SGIP1: variants seen among roughly 807,000 people sequenced by gnomAD.
SGIP1 encodes the protein SH3GL interacting endocytic adaptor 1, also known as SH3-containing GRB2-like protein 3-interacting protein 1.
A neutral mutation model predicts 107.5 loss-of-function variants in SGIP1; 38 were observed. The observed-to-expected ratio is 0.35, with a 90% confidence interval of 0.27 to 0.46. The LOEUF (loss-of-function observed/expected upper bound fraction) is 0.46. SGIP1 is among the 20% of genes least tolerant of loss of function. SGIP1 has a pLI of 1.00. For missense variants in SGIP1, 929 were observed against 1,019.5 expected, an observed-to-expected ratio of 0.91 and a Z score of 1.21; for synonymous variants, 365 against 366.1, an observed-to-expected ratio of 1.00 and a Z score of 0.03.
intron 18 of SGIP1, among the ~76,000 whole-genome samples, chr1:66,716,964 C>T (rs76149537): frequency 0.022 from 3,342 of 152,146 alleles, 45 homozygotes; most frequent in Non-Finnish European, 0.036. Flanking sequence ...CTGCTCAGTT[C>T]CACACGTACA....
chr1:66,655,290 C>T (rs940904989), intron 7 of SGIP1, among the ~76,000 whole-genome samples: 2 of 152,002 alleles, frequency 1.3e-5, no homozygotes, highest in African/African-American at 4.8e-5. Flanking sequence ...CCCTCTTCCC[C>T]TAGATAGCTG....
intron 20 of SGIP1, among the ~76,000 whole-genome samples, chr1:66,731,048 C>T (rs1406482002): frequency 6.6e-6 from 1 of 152,148 alleles, no homozygotes; most frequent in Non-Finnish European, 1.5e-5. Context: ...TCCTTTTGTG[C>T]CAACGTAATA....
At chr1:66,624,209 C>T (rs923063185) in intron 1 of SGIP1, among the ~76,000 whole-genome samples, 1 of 152,070 alleles carries the variant, frequency 6.6e-6, no homozygotes, top group East Asian at 1.9e-4. Flanking sequence ...CAAAGAGAAG[C>T]CAATTAGGAG....
intron 13 of SGIP1, among the ~76,000 whole-genome samples, 182 bp from the exon 14 acceptor site, chr1:66,679,496 C>T (rs908536731): frequency 2.0e-5 from 3 of 152,188 alleles, no homozygotes; most frequent in African/African-American, 7.2e-5. Flanking sequence ...TAAAATGGAA[C>T]AATCTGAATG....
chr1:66,644,572 G>A (rs777672874), intron 7 of SGIP1, among the ~76,000 whole-genome samples: 1 of 147,484 alleles, frequency 6.8e-6, no homozygotes, highest in African/African-American at 2.5e-5. Flanking sequence ...ATGTGATCTC[G>A]TACAGCATTC....
At chr1:66,604,562 C>T (rs1239036235) in intron 1 of SGIP1, among the ~76,000 whole-genome samples, 1 of 152,146 alleles carries the variant, frequency 6.6e-6, no homozygotes, top group Non-Finnish European at 1.5e-5. Flanking sequence ...TGACCTTGAC[C>T]AAGTCCGTTT....
chr1:66,726,419 A>G (rs544960), intron 19 of SGIP1, among the ~76,000 whole-genome samples: 260 of 152,346 alleles, frequency 1.7e-3, no homozygotes, highest in African/African-American at 6.1e-3. Flanking sequence ...AGGGCCTACC[A>G]TAGCGAAAAC....
At chr1:66,727,066 T>A (rs2093789573) in intron 19 of SGIP1, among the ~76,000 whole-genome samples, 1 of 152,222 alleles carries the variant, frequency 6.6e-6, no homozygotes, top group Non-Finnish European at 1.5e-5. Context: ...GGATTAGATA[T>A]AACCCATAAA....
At chr1:66,571,153 G>C (rs1347658569) in intron 1 of SGIP1, among the ~76,000 whole-genome samples, 1 of 151,906 alleles carries the variant, frequency 6.6e-6, no homozygotes, top group African/African-American at 2.4e-5. Context: ...CAAGTTATAG[G>C]AAACAGAAAA....
chr1:66,700,617 C>T (rs1449048344), intron 18 of SGIP1, among the ~76,000 whole-genome samples: 1 of 147,906 alleles, frequency 6.8e-6, no homozygotes, highest in African/African-American at 2.4e-5. Flanking sequence ...TACATGTGTA[C>T]TATGTATAAT....
At chr1:66,702,393 A>T (rs2092021930) in intron 18 of SGIP1, among the ~76,000 whole-genome samples, 1 of 152,212 alleles carries the variant, frequency 6.6e-6, no homozygotes, top group African/African-American at 2.4e-5. Flanking sequence ...GATCTTGAGC[A>T]TTTAATGTCT....
intron 8 of SGIP1, among the ~76,000 whole-genome samples, chr1:66,662,038 A>T (rs1414937864): frequency 6.6e-6 from 1 of 152,206 alleles, no homozygotes; most frequent in African/African-American, 2.4e-5. Flanking sequence ...CAGTCTCCGT[A>T]ATCTAACTTG....
Position 66,637,874 on chromosome 1 carries a change from A to AAT in SGIP1, c.171+1873_171+1874dup, listed in dbSNP as rs1256436633. Among the ~76,000 whole-genome samples, 35 of 148,862 alleles carry AAT rather than the reference A, an allele frequency of 2.4e-4. 1 individual carries two copies. The highest frequency in any genetic ancestry group is 3.4e-3 in the Middle Eastern group (1 of 290). ...ATACATACACACATACATACACACA[A>AAT]ATATATATATATATAAACTGTTTAG... On this transcript the variant is annotated intron_variant, in intron 4 of 24. Coordinates refer to ENST00000371037, the MANE Select transcript of SGIP1 (RefSeq NM_032291.4).
intron 1 of SGIP1, among the ~76,000 whole-genome samples, chr1:66,578,674 A>T (rs567083674): frequency 6.6e-6 from 1 of 151,412 alleles, no homozygotes; most frequent in East Asian, 1.9e-4. Context: ...GGTTCAAGGT[A>T]TTTTTTTTTC....
intron 1 of SGIP1, among the ~76,000 whole-genome samples, chr1:66,615,041 G>A (rs529431932): frequency 1.4e-4 from 21 of 151,918 alleles, no homozygotes; most frequent in Middle Eastern, 3.4e-3. Flanking sequence ...GGCTGGTCTC[G>A]AACTCCTGAC....
At chr1:66,742,460 C>CT (rs764080079) in intron 24 of SGIP1, among the ~76,000 whole-genome samples, 1,368 of 45,060 alleles carry the variant, frequency 0.03, 379 homozygotes, top group African/African-American at 0.061. Context: ...AGCACCCTTT[C>CT]TTTTTTTTTT....
intron 8 of SGIP1, among the ~76,000 whole-genome samples, chr1:66,660,778 A>G (rs2081310035): frequency 3.3e-5 from 5 of 152,218 alleles, no homozygotes; most frequent in Admixed American, 2.6e-4. Flanking sequence ...TGGTTCAATC[A>G]CAGCCACACG....
intron 1 of SGIP1, among the ~76,000 whole-genome samples, chr1:66,551,246 T>C (rs1486388653): frequency 6.6e-6 from 1 of 152,182 alleles, no homozygotes; most frequent in African/African-American, 2.4e-5. Context: ...TAAAGCAAAC[T>C]TTAATGAATG....
At chr1:66,659,866 T>C (rs759724007) in intron 7 of SGIP1, among the ~76,000 whole-genome samples, 5 of 148,392 alleles carry the variant, frequency 3.4e-5, no homozygotes, top group African/African-American at 1.0e-4. Context: ...GCTATGATTA[T>C]GCCACTGCAC....
Sources: allele counts gnomAD v4.1 joint callset (sites outside exome capture counted in the v4.1 genomes callset), GRCh38; gene constraint gnomAD v4.1.1; transcripts MANE v1.5; gene names NCBI Gene and HGNC (gene_info 2026-07-23, HGNC 2026-07-21).